The following BBOF1 variants were observed in gnomAD, a reference collection of about 807,000 sequenced individuals.
The protein encoded by BBOF1 is basal body orientation factor 1.
BBOF1 carries 62 observed loss-of-function variants against 68.0 expected under a neutral mutation model. The ratio of observed to expected loss-of-function variants is 0.91; its 90% confidence interval spans 0.74 to 1.13. The LOEUF is 1.13. BBOF1 is among the 50% of genes most tolerant of loss of function. The pLI, the probability that BBOF1 is intolerant of heterozygous loss-of-function variation, is 0.00. For synonymous variants in BBOF1, 208 were observed against 198.8 expected (o/e 1.05, Z -0.39); for missense variants, 534 against 600.1 (o/e 0.89, Z 1.15).
At chr14:74,077,540 G>A (rs542749703) in intron 9 of BBOF1, among the ~76,000 whole-genome samples, 4 of 152,262 alleles carry the variant, frequency 2.6e-5, no homozygotes, top group African/African-American at 9.6e-5. Flanking sequence ...CCTGTGTGAA[G>A]AGGCAAAACT....
intron 11 of BBOF1, 178 bp downstream of exon 11, chr14:74,057,436 A>T: frequency 6.7e-7 from 1 of 1,492,838 alleles, no homozygotes; most frequent in Non-Finnish European, 8.9e-7. Context: ...GTACAAATGC[A>T]TATTATACTA....
At chr14:74,066,326 T>A (rs1244989908), downstream of BBOF1, among the ~76,000 whole-genome samples, 1 of 152,174 alleles carries the variant, frequency 6.6e-6, no homozygotes, top group African/African-American at 2.4e-5. Flanking sequence ...TGAAAAAAAA[T>A]TAATCATATA....
intron 8 of BBOF1, among the ~76,000 whole-genome samples, chr14:74,054,286 G>A (rs914899198): frequency 2.0e-5 from 3 of 151,582 alleles, no homozygotes; most frequent in East Asian, 1.9e-4. Flanking sequence ...CTGGGATTAC[G>A]GGTGTGAGCC....
At chr14:74,035,211 G>A (rs2059666775) in intron 4 of BBOF1, among the ~76,000 whole-genome samples, 1 of 149,390 alleles carries the variant, frequency 6.7e-6, no homozygotes, top group South Asian at 2.1e-4. Flanking sequence ...ATAAACAGTG[G>A]TGTGCAGCTC....
chr14:74,027,442 G>A (rs944250719), intron 2 of BBOF1, among the ~76,000 whole-genome samples: 4 of 127,824 alleles, frequency 3.1e-5, no homozygotes, highest in African/African-American at 1.2e-4. Flanking sequence ...AAATTTCCAA[G>A]GAGTGATGGA....
At chr14:74,043,289 G>A (rs995453480) in intron 5 of BBOF1, among the ~76,000 whole-genome samples, 10 of 151,576 alleles carry the variant, frequency 6.6e-5, no homozygotes, top group South Asian at 2.1e-4. Flanking sequence ...GGTGGCTCAC[G>A]CCTGTAATCC....
chr14:74,063,906 C>T (rs532817050), intron 11 of BBOF1, among the ~76,000 whole-genome samples: 1 of 151,468 alleles, frequency 6.6e-6, no homozygotes, highest in Non-Finnish European at 1.5e-5. Context: ...CAAAGTCAGA[C>T]AGCTAATAAC....
At chr14:74,030,991 A>G (rs1325477407) in intron 3 of BBOF1, among the ~76,000 whole-genome samples, 1 of 151,544 alleles carries the variant, frequency 6.6e-6, no homozygotes, top group Non-Finnish European at 1.5e-5. Flanking sequence ...GGTTATATAT[A>G]AAATCTTTCT....
In BBOF1 at chr14:74,065,371, T is replaced by A; in HGVS notation, c.*672T>A. On this transcript the variant is annotated 3_prime_UTR_variant, in exon 12 of 12. Transcript: ENST00000394009. Reference sequence around the variant, plus strand: ...ACAGGTCATATTTGGCTGCCAGGAGTGATGCATCCAGAAAAGAAGTCAGCT... The same window carrying A: ...ACAGGTCATATTTGGCTGCCAGGAGAGATGCATCCAGAAAAGAAGTCAGCT... 6.2e-7 allele frequency: 1 copy of A among 1,613,490 alleles called. No individual in the cohort carries two copies. Among genetic ancestry groups the A allele is most frequent in the Non-Finnish European group, 8.5e-7 (1 of 1,179,894 alleles).
At chr14:74,058,188 G>A (rs1361713062) in intron 11 of BBOF1, 1 of 152,270 alleles carries the variant, frequency 6.6e-6, no homozygotes, top group Non-Finnish European at 1.5e-5. Context: ...TTATCCGGGT[G>A]TGGGGGCATG....
rs879793491 is a variant in BBOF1 at position 74,028,711 on chromosome 14, AT to A, written c.286-457del. On this transcript the variant is annotated intron_variant, in intron 2 of 11. Transcript: ENST00000394009. ...AGCAACATGGCAAGACTCCATCTCT[AT>A]TTTTTTTTTTTTTTTAGACAGAGTC... Among the ~76,000 whole-genome samples the A allele has an allele frequency of 4.0e-3, 531 of 133,130 alleles. 1 individual carries two copies. The highest frequency in any genetic ancestry group is 0.012 in the Middle Eastern group (3 of 254). 87.3% of individuals were successfully genotyped at this position (133,130 alleles called of 152,430 possible). A position where few individuals can be genotyped will look rare whatever the true frequency, so the allele number is the denominator to read the frequency against.
chr14:74,048,909 C>T (rs939544473), intron 7 of BBOF1, among the ~76,000 whole-genome samples: 4 of 152,102 alleles, frequency 2.6e-5, no homozygotes, highest in African/African-American at 4.8e-5. Context: ...GAGTCTCACT[C>T]TCACCCAGGC....
chr14:74,053,651 C>G (rs1284133942), intron 8 of BBOF1, among the ~76,000 whole-genome samples: 1 of 151,978 alleles, frequency 6.6e-6, no homozygotes, highest in Non-Finnish European at 1.5e-5. Context: ...AAGGTATTCT[C>G]CCACCTTGGC....
chr14:74,081,852 C>G (rs1306742296), intron 12 of BBOF1, among the ~76,000 whole-genome samples: 1 of 152,134 alleles, frequency 6.6e-6, no homozygotes, highest in African/African-American at 2.4e-5. Context: ...ATTTTCAGCC[C>G]CATCAGTTAC....
At chr14:74,062,286 A>G (rs1490237448) in intron 11 of BBOF1, among the ~76,000 whole-genome samples, 1 of 152,012 alleles carries the variant, frequency 6.6e-6, no homozygotes, top group Non-Finnish European at 1.5e-5. Context: ...TGTTACTAGT[A>G]TCAAATTAGT....
chr14:74,065,218 GTGGCTCCATTGGTGGTGAAGA>G lies in BBOF1; in HGVS notation c.*524_*544del. On this transcript the variant is annotated 3_prime_UTR_variant, in exon 12 of 12. Transcript: ENST00000394009. ...CACCAAGTGGGCATATTTCCGAGCA[GTGGCTCCATTGGTGGTGAAGA>G]TGGCAGTTCCATTTCCATATGGGTT... 2 of 1,614,164 alleles carry G rather than the reference GTGGCTCCATTGGTGGTGAAGA, an allele frequency of 1.2e-6. No homozygotes were observed. Among genetic ancestry groups the G allele is most frequent in the Non-Finnish European group, 1.7e-6 (2 of 1,180,022 alleles).
Position 74,065,052 on chromosome 14 carries a change from G to T in BBOF1, c.*353G>T. 1 of 1,402,260 alleles carries T rather than the reference G, an allele frequency of 7.1e-7. No individual in the cohort carries two copies. The highest frequency in any genetic ancestry group is 1.0e-6 in the Non-Finnish European group (1 of 1,003,496). The allele number at this position is 1,402,260 out of a possible 1,614,324, so 86.9% of individuals were successfully genotyped here. A position where few individuals can be genotyped will look rare whatever the true frequency, so the allele number is the denominator to read the frequency against. On this transcript the variant is annotated 3_prime_UTR_variant, in exon 12 of 12. Coordinates refer to ENST00000394009, the MANE Select transcript of BBOF1 (RefSeq NM_025057.3). ...CTCTACCCCATGAACTTTCATTCCTGAGGAAGAAATGGGGCAATGTGGGAG... is the reference window on the plus strand; with the variant it reads ...CTCTACCCCATGAACTTTCATTCCTTAGGAAGAAATGGGGCAATGTGGGAG...
chr14:74,028,467 TACACACACACAC>T lies in BBOF1; in HGVS notation c.286-683_286-672del, dbSNP rs34677110. Among the ~76,000 whole-genome samples, 299 of 138,294 alleles carry T rather than the reference TACACACACACAC, an allele frequency of 2.2e-3. 1 individual carries two copies. The highest frequency in any genetic ancestry group is 7.1e-3 in the Middle Eastern group (2 of 280). The allele number at this position is 138,294 out of a possible 152,430, so 90.7% of individuals were successfully genotyped here. ...ACATTACCCTTTACCACTAAAGAAA[TACACACACACAC>T]ACACACACACACACACACACACACA... On this transcript the variant is annotated intron_variant, in intron 2 of 11. Transcript: ENST00000394009.
chr14:74,073,989 A>AT (rs5809644), intron 9 of BBOF1, among the ~76,000 whole-genome samples: 137 of 144,576 alleles, frequency 9.5e-4, no homozygotes, highest in Admixed American at 1.5e-3. Context: ...ACTTTAACTA[A>AT]TTTTTTTTTT....
Sources: gnomAD v4.1 joint callset for allele counts (sites outside exome capture counted in the v4.1 genomes callset) on GRCh38, gnomAD v4.1.1 for gene constraint, MANE v1.5 for transcripts, NCBI Gene and HGNC (gene_info 2026-07-23, HGNC 2026-07-21) for gene names.